STPG2: variants seen among roughly 807,000 people sequenced by gnomAD.
STPG2 encodes sperm-tail PG-rich repeat-containing protein 2.
In STPG2, 56 loss-of-function variants were observed where a neutral mutation model predicts 54.2. The ratio of observed to expected loss-of-function variants is 1.03; its 90% CI spans 0.83 to 1.29. The LOEUF is 1.29. STPG2 is among the 50% of genes most tolerant of loss of function. The pLI, the probability that STPG2 is intolerant of heterozygous loss-of-function variation, is 0.00. For missense variants in STPG2, 596 were observed against 544.9 expected, an observed-to-expected ratio of 1.09 and a Z score of -0.93; for synonymous variants, 200 against 181.8, an observed-to-expected ratio of 1.10 and a Z score of -0.81.
chr4:97,504,972 A>G (rs1018402712), intron 4 of STPG2, among the ~76,000 whole-genome samples: 1 of 152,018 alleles, frequency 6.6e-6, no homozygotes, highest in African/African-American at 2.4e-5. Flanking sequence ...CCAAATTGAA[A>G]GAACCAAAAA....
At chr4:97,499,567 C>A (rs1730681646) in intron 4 of STPG2, among the ~76,000 whole-genome samples, 1 of 151,674 alleles carries the variant, frequency 6.6e-6, no homozygotes, top group Non-Finnish European at 1.5e-5. Context: ...ATTTTATATT[C>A]AATATTCTTA....
At chr4:97,875,122 A>G (rs142302221) in intron 8 of STPG2, among the ~76,000 whole-genome samples, 271 of 152,112 alleles carry the variant, frequency 1.8e-3, no homozygotes, top group African/African-American at 6.3e-3. Flanking sequence ...TTTGGTTAAT[A>G]ATAATGGCTT....
intron 9 of STPG2, among the ~76,000 whole-genome samples, chr4:97,827,471 G>A (rs138649556): frequency 0.011 from 1,682 of 152,048 alleles, 32 homozygotes; most frequent in African/African-American, 0.037. Flanking sequence ...TCCTGACCTC[G>A]TGATCCACTC....
chr4:97,914,116 C>T (rs542417893), intron 8 of STPG2, among the ~76,000 whole-genome samples: 1 of 152,284 alleles, frequency 6.6e-6, no homozygotes, highest in South Asian at 2.1e-4. Flanking sequence ...TGGATACACA[C>T]AGTGCTTGAC....
intron 9 of STPG2, among the ~76,000 whole-genome samples, chr4:97,731,109 T>C (rs1339531597): frequency 6.6e-6 from 1 of 152,232 alleles, no homozygotes; most frequent in African/African-American, 2.4e-5. Context: ...TCACTGATTC[T>C]TTCTCATCTG....
In STPG2 at chr4:97,513,864, C is replaced by T. The variant is rs560800310; in HGVS notation, c.462+198835G>A. Among the ~76,000 whole-genome samples the T allele has an allele frequency of 8.5e-5, 13 of 152,138 alleles. No individual in the cohort carries two copies. In the South Asian group the frequency reaches 2.7e-3, roughly 32 times the overall value. On this transcript the variant is annotated intron_variant, in intron 4 of 4. Coordinates refer to the STPG2 transcript ENST00000522676. ...ATGATAAGAAACTATGCAGTAGTGC[C>T]TATCTAGCCAATGTCACAAATCTAG...
chr4:97,687,219 G>C (rs775337555), intron 10 of STPG2, among the ~76,000 whole-genome samples: 6 of 151,910 alleles, frequency 3.9e-5, no homozygotes, highest in Non-Finnish European at 5.9e-5. Context: ...CAAAGTGCTG[G>C]GATTACAGGC....
In STPG2 at chr4:97,685,846, A is replaced by C. The variant is rs76102048; in HGVS notation, c.1320+26853T>G. 3.8e-3 allele frequency among the ~76,000 whole-genome samples: 579 copies of C among 152,352 alleles called. 25 individuals are homozygous for C. The East Asian group carries it at 0.096, about 25-fold the overall frequency. On this transcript the variant is annotated intron_variant, in intron 10 of 10. Transcript: ENST00000295268. ...TTCTGTAAACCTAAAACTGCTCTAA[A>C]AATAATGTCCATTTTTGTAAAAAGG...
chr4:97,991,382 TA>T (rs1425608843), intron 5 of STPG2, among the ~76,000 whole-genome samples: 2 of 150,970 alleles, frequency 1.3e-5, no homozygotes, highest in Non-Finnish European at 3.0e-5. Context: ...TATATGTATA[TA>T]TATGTGTATA....
intron 10 of STPG2, among the ~76,000 whole-genome samples, chr4:97,694,046 C>T (rs889344760): frequency 6.6e-5 from 10 of 152,002 alleles, no homozygotes; most frequent in African/African-American, 2.4e-4. Context: ...GCATCAAACA[C>T]CTACATCAAA....
rs181237273 is a variant in STPG2 at position 97,904,619 on chromosome 4, C to T, written c.1044+39278G>A. Among the ~76,000 whole-genome samples, 123 of 152,284 alleles carry T rather than the reference C, an allele frequency of 8.1e-4. No homozygotes were observed. In the East Asian group the frequency reaches 0.013, roughly 16 times the overall value. Reference sequence around the variant, plus strand: ...AAAGCTGGACAGAGAATGACTTTGACGAGCTGATAGAAGAAGGATTCAGAT... The same window carrying T: ...AAAGCTGGACAGAGAATGACTTTGATGAGCTGATAGAAGAAGGATTCAGAT... On this transcript the variant is annotated intron_variant, in intron 8 of 10. Transcript: ENST00000295268.
chr4:97,953,031 C>T (rs192023228), intron 7 of STPG2, among the ~76,000 whole-genome samples: 20 of 152,186 alleles, frequency 1.3e-4, no homozygotes, highest in South Asian at 2.1e-4. Context: ...TCTCAGGTGA[C>T]GGGCAGAGCT....
intron 10 of STPG2, among the ~76,000 whole-genome samples, chr4:97,690,770 G>C (rs1269662838): frequency 2.0e-5 from 3 of 151,974 alleles, no homozygotes; most frequent in Non-Finnish European, 4.4e-5. Context: ...AAGAAAGAAA[G>C]CTGCATTAAA....
intron 8 of STPG2, among the ~76,000 whole-genome samples, chr4:97,910,999 A>G (rs1731656906): frequency 6.6e-6 from 1 of 152,164 alleles, no homozygotes; most frequent in Non-Finnish European, 1.5e-5. Context: ...ACCCATGTAG[A>G]GAGAGGAAAA....
At chr4:97,918,680 T>A (rs1412318912) in intron 8 of STPG2, among the ~76,000 whole-genome samples, 1 of 151,878 alleles carries the variant, frequency 6.6e-6, no homozygotes, top group African/African-American at 2.4e-5. Context: ...CTGGATGGAG[T>A]TAGAGACCAT....
At chr4:97,650,067 C>T (rs1722021009) in intron 10 of STPG2, among the ~76,000 whole-genome samples, 1 of 152,074 alleles carries the variant, frequency 6.6e-6, no homozygotes, top group Admixed American at 6.6e-5. Flanking sequence ...CCCTCACATG[C>T]ACAGTTCACA....
intron 8 of STPG2, among the ~76,000 whole-genome samples, chr4:97,931,703 G>T (rs192511313): frequency 2.9e-4 from 44 of 151,080 alleles, no homozygotes; most frequent in African/African-American, 7.3e-4. Context: ...TTATCTTTTT[G>T]TGTGTGTGTG....
chr4:97,566,831 A>G (rs1578394351), intron 10 of STPG2, among the ~76,000 whole-genome samples: 1 of 147,026 alleles, frequency 6.8e-6, no homozygotes. Flanking sequence ...GAACTGAACA[A>G]TGAGAACACA....
chr4:97,843,692 A>G (rs1011707082), intron 8 of STPG2, among the ~76,000 whole-genome samples: 4 of 152,100 alleles, frequency 2.6e-5, no homozygotes, highest in Middle Eastern at 3.4e-3. Flanking sequence ...ACAGTGTTCC[A>G]GGAAGTTTAA....
Sources: allele counts gnomAD v4.1 joint callset (sites outside exome capture counted in the v4.1 genomes callset), GRCh38; gene constraint gnomAD v4.1.1; transcripts MANE v1.5; gene names NCBI Gene and HGNC (gene_info 2026-07-23, HGNC 2026-07-21).